The following CAD variants were observed in gnomAD, a reference collection of about 807,000 sequenced individuals.
CAD encodes the protein carbamoyl-phosphate synthetase 2, aspartate transcarbamylase, and dihydroorotase.
A neutral mutation model predicts 237.2 loss-of-function variants in CAD; 81 were observed. The observed-to-expected ratio is 0.34, with a 90% CI of 0.29 to 0.41. The LOEUF (loss-of-function observed/expected upper bound fraction) is 0.41. CAD is among the 10% of genes least tolerant of loss of function. The pLI is 1.00. For synonymous variants in CAD, 1,196 were observed against 1,162.8 expected (o/e 1.03, Z -0.58); for missense variants, 2,181 against 2,951.7 (o/e 0.74, Z 6.05).
At position 27,240,710 on chromosome 2, in the gene CAD, C is replaced by T. The variant is rs1185906078; in HGVS notation, c.5594-201C>T. On this transcript the variant is annotated intron_variant, in intron 35 of 43. Coordinates refer to ENST00000264705, the MANE Select transcript of CAD (RefSeq NM_004341.5). The surrounding 1 kb of genome is among the most constrained non-coding windows in gnomAD (Gnocchi z 4.6). ...GGAGAGCCCCGGGAGGGCACCACTG[C>T]TCCCATACAACACAGCCCCATGGGA... The T allele has an allele frequency of 5.9e-6, 8 of 1,359,876 alleles. No homozygotes were observed. Among genetic ancestry groups the T allele is most frequent in the African/African-American group, 2.9e-5 (2 of 69,464 alleles). 84.2% of individuals were successfully genotyped at this position (1,359,876 alleles called of 1,614,324 possible).
rs1055077591 is a variant in CAD, at chr2:27,220,598, C to T, written c.223-620C>T. Among the ~76,000 whole-genome samples the T allele has an allele frequency of 3.3e-5, 5 of 151,222 alleles. No homozygotes were observed. The South Asian group carries it at 6.2e-4, about 19-fold the overall frequency. ...CCAGGAGATTGAGGCTGTAGTGAAC[C>T]GTGTATTTGTGCCACTGTACTCTGC... On this transcript the variant is annotated intron_variant, in intron 2 of 43. Coordinates refer to ENST00000264705, the MANE Select transcript of CAD (RefSeq NM_004341.5).
intron 14 of CAD, 27 bp from the exon 15 acceptor site, chr2:27,226,802 CCTT>C (rs1447749706): frequency 2.5e-6 from 4 of 1,613,402 alleles, no homozygotes; most frequent in East Asian, 2.2e-5. Flanking sequence ...CCTTCACTGT[CCTT>C]CTGGCATCCC....
chr2:27,219,774 A>T (rs937335899), intron 2 of CAD, among the ~76,000 whole-genome samples: 21 of 151,908 alleles, frequency 1.4e-4, no homozygotes, highest in African/African-American at 4.8e-4. Flanking sequence ...TTTTTAGTAG[A>T]GACAGGGTTT....
chr2:27,227,624 A>ATGAAAATT (rs1390423348), intron 15 of CAD: 2 of 152,240 alleles, frequency 1.3e-5, no homozygotes, highest in Non-Finnish European at 2.9e-5. Context: ...TCTCTGTTAT[A>ATGAAAATT]TGAAAATTAG....
In CAD at chr2:27,240,818, CAT is replaced by C; in HGVS notation, c.5594-89_5594-88del. ...ATTACTGTGTTGTGAATTGGTTTAA[CAT>C]ATACACTGTGATTCAGAGTTCCTGG... is the stretch of plus-strand genomic sequence containing the variant. On this transcript the variant is annotated intron_variant, in intron 35 of 43. Transcript: ENST00000264705. The surrounding 1 kb of genome is among the most constrained non-coding windows in gnomAD (Gnocchi z 4.6). 7.0e-7 allele frequency: 1 copy of C among 1,418,990 alleles called. No homozygotes were observed. Among genetic ancestry groups the C allele is most frequent in the Non-Finnish European group, 9.9e-7 (1 of 1,011,834 alleles). The allele number at this position is 1,418,990 out of a possible 1,614,324, so 87.9% of individuals were successfully genotyped here.
At position 27,232,274 on chromosome 2, in the gene CAD, T is replaced by C. The variant is rs199542918; in HGVS notation, c.2645+50T>C. 6.2e-7 allele frequency: 1 copy of C among 1,605,952 alleles called. No individual in the cohort carries two copies. The highest frequency in any genetic ancestry group is 2.2e-5 in the East Asian group (1 of 44,832). On this transcript the variant is annotated intron_variant, in intron 17 of 43. Transcript: ENST00000264705. This position sits in a 1 kb window ranked among gnomAD's most constrained non-coding sequence, Gnocchi z 4.1. ...CGGCTGGGAAATGTGGGGCAGAACC[T>C]TTGTATCAGTGAGGGACCCTTGGGA...
At chr2:27,217,845 T>C (rs779973296) in intron 1 of CAD, 32 bp from the exon 2 acceptor site, 6 of 1,564,606 alleles carry the variant, frequency 3.8e-6, no homozygotes, top group Non-Finnish European at 5.2e-6. Flanking sequence ...AAGGGTGCCC[T>C]ACCGGAGCCC....
At chr2:27,222,050 T>A (rs1675197975) in intron 3 of CAD, 144 bp from the exon 4 acceptor site, 1 of 726,860 alleles carries the variant, frequency 1.4e-6, no homozygotes, top group Non-Finnish European at 2.3e-6. Context: ...GTAGTATACT[T>A]CTGTCACAAT....
Position 27,242,151 on chromosome 2 carries a change from G to C in CAD, c.6096+28G>C. The C allele has an allele frequency of 6.2e-7, 1 of 1,607,500 alleles. No homozygotes were observed. The highest frequency in any genetic ancestry group is 8.5e-7 in the Non-Finnish European group (1 of 1,176,442). On this transcript the variant is annotated intron_variant, in intron 39 of 43. Transcript: ENST00000264705. The surrounding 1 kb of genome is among the most constrained non-coding windows in gnomAD (Gnocchi z 6.4). ...GAGGCCAGCCTGGGTACTGAGATGG[G>C]GTTAAGAAGGCTGGACCCAGGGGCA...
chr2:27,236,318 T>C lies in CAD; in HGVS notation c.4109T>C (p.Val1370Ala), dbSNP rs745960004. The change falls in exon 26 of 44, where the codon GTG becomes GCG. Residue 1370 changes from valine to alanine, a missense_variant. Transcript: ENST00000264705. The surrounding 1 kb of genome is among the most constrained non-coding windows in gnomAD (Gnocchi z 4.1). ...TAVDWHFEEA[V>A]DGECPPQRSI... Reference sequence around the variant, plus strand: ...GTGGACTGGCACTTTGAGGAGGCTGTGGATGGTGAGTGCCCACCACAGCGG... The same window carrying C: ...GTGGACTGGCACTTTGAGGAGGCTGCGGATGGTGAGTGCCCACCACAGCGG... 3 of 1,614,018 alleles carry C rather than the reference T, an allele frequency of 1.9e-6. No individual in the cohort carries two copies. The highest frequency in any genetic ancestry group is 2.7e-5 in the African/African-American group (2 of 74,928).
chr2:27,220,027 T>G (rs1442878148), intron 2 of CAD, among the ~76,000 whole-genome samples: 4 of 151,958 alleles, frequency 2.6e-5, no homozygotes, highest in Non-Finnish European at 5.9e-5. Flanking sequence ...CTATAATTAA[T>G]ATTTATATGG....
At chr2:27,228,922 C>CTTTTTTTTTTTT (rs1183635798) in intron 15 of CAD, among the ~76,000 whole-genome samples, 2 of 105,944 alleles carry the variant, frequency 1.9e-5, no homozygotes, top group Non-Finnish European at 3.9e-5. Context: ...TTTTTTTTTT[C>CTTTTTTTTTTTT]TTTTTTTTTT....
Position 27,241,168 on chromosome 2 carries a change from C to G in CAD, c.5749C>G (p.Leu1917Val), listed in dbSNP as rs969329428. ...PGLLHPQTSP[L>V]LHSLVGQHIL... Reference sequence around the variant, plus strand: ...CTTGCTGCACCCCCAGACCTCACCCCTGCTGCACTCATTAGTGGGCCAACA... The same window carrying G: ...CTTGCTGCACCCCCAGACCTCACCCGTGCTGCACTCATTAGTGGGCCAACA... Residue 1917 changes from leucine to valine, a missense_variant, in exon 37 of 44, where the codon CTG becomes GTG. By Grantham distance (32) the Leu-to-Val change is conservative. Transcript: ENST00000264705. This position sits in a 1 kb window ranked among gnomAD's most constrained non-coding sequence, Gnocchi z 4.6. 34 of 1,613,010 alleles carry G rather than the reference C, an allele frequency of 2.1e-5. No homozygotes were observed. Among genetic ancestry groups the G allele is most frequent in the Non-Finnish European group, 2.7e-5 (32 of 1,179,544 alleles).
At chr2:27,223,320 A>G (rs980748667) in intron 6 of CAD, among the ~76,000 whole-genome samples, 1 of 151,662 alleles carries the variant, frequency 6.6e-6, no homozygotes, top group African/African-American at 2.4e-5. Flanking sequence ...AATCCCAGCT[A>G]CTCCAGAGGC....
Position 27,233,599 on chromosome 2 carries a change from C to T in CAD, c.3217-27C>T. 1 of 1,613,956 alleles carries T rather than the reference C, an allele frequency of 6.2e-7. No homozygotes were observed. Among genetic ancestry groups the T allele is most frequent in the Non-Finnish European group, 8.5e-7 (1 of 1,179,882 alleles). On this transcript the variant is annotated intron_variant, in intron 20 of 43. Transcript: ENST00000264705. This position sits in a 1 kb window ranked among gnomAD's most constrained non-coding sequence, Gnocchi z 6.3. The stretch of plus-strand genomic sequence containing the variant: ...GATGCTTGGGGGAAAGTGTGAACAA[C>T]TCAGCTAAGCTCCCTGCCTCCTGTA...
rs1189490736 is a variant in CAD at position 27,243,439 on chromosome 2, G to A, written c.6599G>A (p.Arg2200His). 4 of 1,430,780 alleles carry A rather than the reference G, an allele frequency of 2.8e-6. No individual in the cohort carries two copies. Among genetic ancestry groups the A allele is most frequent in the African/African-American group, 1.6e-5 (1 of 63,052 alleles). 88.6% of individuals were successfully genotyped at this position (1,430,780 alleles called of 1,614,324 possible). Residue 2200 changes from arginine to histidine, a missense_variant, in exon 44 of 44, where the codon CGC becomes CAC. Around this residue, in one of 12 missense-constraint regions of CAD, gnomAD observed 170 missense variants for 212.1 expected, o/e 0.80. Coordinates refer to ENST00000264705, the MANE Select transcript of CAD (RefSeq NM_004341.5). ...AGCGTGGAAGTGGACTCGGATCCCC[G>A]CGCAGCCTACTTCCGCCAGGCTGAG... ...EISVEVDSDP[R>H]AAYFRQAENG...
In CAD at chr2:27,242,797, C is replaced by T. The variant is rs773733512; in HGVS notation, c.6378+22C>T. On this transcript the variant is annotated intron_variant, in intron 41 of 43. Transcript: ENST00000264705. The surrounding 1 kb of genome is among the most constrained non-coding windows in gnomAD (Gnocchi z 6.4). ...GCAGGTGAGACCCTCACAGCCCTGC[C>T]TGGAAGCCATGGAGATGTGGGTTGG... The T allele has an allele frequency of 2.5e-6, 4 of 1,614,202 alleles. No individual in the cohort carries two copies. The South Asian group carries it at 4.4e-5, about 18-fold the overall frequency.
chr2:27,223,664 T>C lies in CAD; in HGVS notation c.911T>C (p.Leu304Pro). The C allele has an allele frequency of 6.2e-7, 1 of 1,614,178 alleles. No individual in the cohort carries two copies. Among genetic ancestry groups the C allele is most frequent in the East Asian group, 2.2e-5 (1 of 44,878 alleles). The change falls in exon 7 of 44, where the codon CTG becomes CCG. Residue 304 changes from leucine (L) to proline (P), a missense_variant. Around this residue, in one of 12 missense-constraint regions of CAD, gnomAD observed 129 missense variants for 143.3 expected, o/e 0.90. Coordinates refer to ENST00000264705, the MANE Select transcript of CAD (RefSeq NM_004341.5). ...GGGTTTGCTGTGGAGACAGACTCAC[T>C]GCCAGCAGACTGGGCTCCTCTCTTC... ...NHGFAVETDS[L>P]PADWAPLFTN... is the part of the protein sequence containing the mutation.
In CAD at chr2:27,235,217, C is replaced by A. The variant is rs1304016345; in HGVS notation, c.3787-28C>A. The A allele has an allele frequency of 2.5e-6, 4 of 1,574,060 alleles. No homozygotes were observed. The highest frequency in any genetic ancestry group is 3.5e-6 in the Non-Finnish European group (4 of 1,157,814). ...GGGAGGAGGTCCTCTCACACCTTGG[C>A]CCTCTCTCTTCCCTCCCGCCCCTTT... On this transcript the variant is annotated intron_variant, in intron 23 of 43. Coordinates refer to ENST00000264705, the MANE Select transcript of CAD (RefSeq NM_004341.5). This position sits in a 1 kb window ranked among gnomAD's most constrained non-coding sequence, Gnocchi z 5.2.
Sources: allele counts gnomAD v4.1 joint callset (sites outside exome capture counted in the v4.1 genomes callset), GRCh38; gene constraint gnomAD v4.1.1; regional missense constraint gnomAD v4.1.1; non-coding constraint Gnocchi (gnomAD v3.1); transcripts MANE v1.5; gene names NCBI Gene and HGNC (gene_info 2026-07-23, HGNC 2026-07-21).